The following TTC21B variants were observed in gnomAD, a reference collection of about 807,000 sequenced individuals.
TTC21B encodes the protein tetratricopeptide repeat domain 21B.
TTC21B carries 127 observed loss-of-function variants against 175.1 expected under a neutral mutation model. The ratio of observed to expected loss-of-function variants is 0.73; its 90% CI spans 0.63 to 0.84. The LOEUF (loss-of-function observed/expected upper bound fraction) is 0.84. TTC21B is among the 40% of genes least tolerant of loss of function. The pLI is 0.00. For missense variants in TTC21B, 1,561 were observed against 1,558.3 expected, an observed-to-expected ratio of 1.00 and a Z score of -0.03; for synonymous variants, 524 against 524.5, an observed-to-expected ratio of 1.00 and a Z score of 0.01.
intron 6 of TTC21B, 79 bp from the exon 7 acceptor site, chr2:165,933,136 C>T (rs905135494): frequency 4.2e-6 from 5 of 1,197,608 alleles, no homozygotes; most frequent in Admixed American, 1.8e-5. Context: ...AGTTGGTTTG[C>T]TTGCCTCACT....
intron 15 of TTC21B, among the ~76,000 whole-genome samples, chr2:165,914,698 T>TGTGCGCGCGCGCGCGCGCGCGCG (rs71031214): frequency 7.6e-6 from 1 of 132,376 alleles, no homozygotes; most frequent in African/African-American, 3.1e-5. Flanking sequence ...TGTGTGTGTG[T>TGTGCGCGCGCGCGCGCGCGCGCG]TGTGTATCCC....
chr2:165,945,470 C>T, intron 4 of TTC21B, 54 bp downstream of exon 4: 1 of 1,497,090 alleles, frequency 6.7e-7, no homozygotes, highest in South Asian at 1.2e-5. Flanking sequence ...CTGGATATAT[C>T]AATAACATAA....
At chr2:165,932,614 T>C (rs996225301) in intron 7 of TTC21B, among the ~76,000 whole-genome samples, 1 of 152,028 alleles carries the variant, frequency 6.6e-6, no homozygotes, top group Admixed American at 6.6e-5. Flanking sequence ...ATAAATTACA[T>C]TTTGCATACA....
At chr2:165,883,377 A>G (rs1471818732) in intron 26 of TTC21B, among the ~76,000 whole-genome samples, 2 of 152,228 alleles carry the variant, frequency 1.3e-5, no homozygotes, top group Non-Finnish European at 2.9e-5. Flanking sequence ...TATATTATGC[A>G]TAATAGATTC....
At chr2:165,935,623 A>G (rs771122719) in intron 6 of TTC21B, among the ~76,000 whole-genome samples, 3 of 152,228 alleles carry the variant, frequency 2.0e-5, no homozygotes, top group Non-Finnish European at 4.4e-5. Context: ...AGATTGTAGG[A>G]TATGAGGTTA....
intron 6 of TTC21B, among the ~76,000 whole-genome samples, chr2:165,937,266 G>T (rs1687184197): frequency 6.6e-6 from 1 of 152,080 alleles, no homozygotes; most frequent in Non-Finnish European, 1.5e-5. Flanking sequence ...AAAGAGCAGT[G>T]GTTGCAAGGA....
chr2:165,947,664 G>A (rs1312490943), intron 3 of TTC21B: 2 of 152,038 alleles, frequency 1.3e-5, no homozygotes. Context: ...CTCTAACACC[G>A]TCTGCACAAA....
intron 12 of TTC21B, among the ~76,000 whole-genome samples, chr2:165,920,764 T>TGAAATATTTTAAATATTTAAAATATTTC (rs1334772570): frequency 9.4e-5 from 14 of 148,994 alleles, no homozygotes; most frequent in African/African-American, 2.9e-4. Flanking sequence ...TAAAATATTT[T>TGAAATATTTTAAATATTTAAAATATTTC]GAAATATTTT....
chr2:165,880,344 G>C (rs564066556), intron 27 of TTC21B, among the ~76,000 whole-genome samples: 2 of 152,066 alleles, frequency 1.3e-5, no homozygotes, highest in Admixed American at 6.6e-5. Flanking sequence ...TCAATTTAAT[G>C]CAATATTTTC....
chr2:165,930,508 A>C (rs541097759), intron 8 of TTC21B, 144 bp from the exon 9 acceptor site: 5 of 563,152 alleles, frequency 8.9e-6, no homozygotes, highest in Non-Finnish European at 1.2e-5. Flanking sequence ...GGAAAAATAA[A>C]ACTTTCCTAT....
intron 7 of TTC21B, among the ~76,000 whole-genome samples, 161 bp from the exon 8 acceptor site, chr2:165,932,017 A>G (rs1452847606): frequency 6.6e-6 from 1 of 152,192 alleles, no homozygotes; most frequent in Non-Finnish European, 1.5e-5. Context: ...GTTATAAAAC[A>G]TATTTAAGAT....
chr2:165,944,097 A>G lies in TTC21B; in HGVS notation c.430-756T>C, dbSNP rs956979914. ...CCCGAAAATACAAATAAGGATCTTAACCAATGCTATGTGCTAAATCAGTGC... is the reference window on the plus strand; with the variant it reads ...CCCGAAAATACAAATAAGGATCTTAGCCAATGCTATGTGCTAAATCAGTGC... On this transcript the variant is annotated intron_variant, in intron 4 of 28. Transcript: ENST00000243344. Among the ~76,000 whole-genome samples, 7 of 152,156 alleles carry G rather than the reference A, an allele frequency of 4.6e-5. No individual in the cohort carries two copies. The South Asian group carries it at 1.4e-3, about 31-fold the overall frequency.
chr2:165,922,549 A>C (rs1686450664), intron 12 of TTC21B, among the ~76,000 whole-genome samples: 1 of 141,184 alleles, frequency 7.1e-6, no homozygotes, highest in Admixed American at 7.7e-5. Context: ...CAGCCGGAAT[A>C]GCCACTATTA....
intron 28 of TTC21B, among the ~76,000 whole-genome samples, chr2:165,875,737 G>T (rs1025979854): frequency 6.6e-6 from 1 of 151,552 alleles, no homozygotes; most frequent in Non-Finnish European, 1.5e-5. Flanking sequence ...ATGATCTGGA[G>T]AATCTATACT....
chr2:165,949,546 A>T (rs1433061615), intron 2 of TTC21B, 42 bp from the exon 3 acceptor site: 4 of 1,613,674 alleles, frequency 2.5e-6, no homozygotes, highest in Non-Finnish European at 3.4e-6. Flanking sequence ...TTCTTAGTGC[A>T]AAGCAAGAAT....
chr2:165,880,823 ATAGAT>A, intron 26 of TTC21B, 24 bp from the exon 27 acceptor site: 1 of 1,608,836 alleles, frequency 6.2e-7, no homozygotes, highest in Non-Finnish European at 8.5e-7. Flanking sequence ...GGAGACATCA[ATAGAT>A]TAAACTTGAT....
At chr2:165,949,911 A>G (rs1476541897) in intron 1 of TTC21B, 187 bp from the exon 2 acceptor site, 5 of 532,996 alleles carry the variant, frequency 9.4e-6, no homozygotes, top group African/African-American at 1.9e-5. Flanking sequence ...CTGAATGATC[A>G]TAAAATTACT....
At chr2:165,908,535 A>C (rs182266810) in intron 18 of TTC21B, among the ~76,000 whole-genome samples, 1 of 152,290 alleles carries the variant, frequency 6.6e-6, no homozygotes, top group African/African-American at 2.4e-5. Context: ...CCATTTGTCA[A>C]GTGCACAGTT....
At position 165,938,187 on chromosome 2, in the gene TTC21B, C is replaced by G. The variant is rs1312034783; in HGVS notation, c.710+2840G>C. 3.3e-5 allele frequency among the ~76,000 whole-genome samples: 5 copies of G among 151,794 alleles called. No individual in the cohort carries two copies. The East Asian group carries it at 9.7e-4, about 29-fold the overall frequency. On this transcript the variant is annotated intron_variant, in intron 6 of 28. Coordinates refer to ENST00000243344, the MANE Select transcript of TTC21B (RefSeq NM_024753.5). The stretch of plus-strand genomic sequence containing the variant: ...ACTAATCAATTACCAATGAAGGATG[C>G]TAAGGAATTCTTGGCATTTTTTTTT...
Sources: allele counts gnomAD v4.1 joint callset (sites outside exome capture counted in the v4.1 genomes callset), GRCh38; gene constraint gnomAD v4.1.1; transcripts MANE v1.5; gene names NCBI Gene and HGNC (gene_info 2026-07-23, HGNC 2026-07-21).